The following GASK1B variants were observed in gnomAD, a reference collection of about 807,000 sequenced individuals.
GASK1B encodes the protein golgi associated kinase 1B.
A neutral mutation model predicts 42.8 loss-of-function variants in GASK1B; 34 were observed. The observed-to-expected ratio is 0.79, with a 90% CI of 0.60 to 1.06. The LOEUF (loss-of-function observed/expected upper bound fraction) is 1.06, where lower values mean the gene tolerates loss of function less well. GASK1B is among the 50% of genes least tolerant of loss of function. The pLI is 0.00. For missense variants in GASK1B, 686 were observed against 661.0 expected (o/e 1.04, Z -0.42); for synonymous variants, 262 against 259.1 (o/e 1.01, Z -0.11).
At position 158,170,294 on chromosome 4, in the gene GASK1B, A is replaced by C. The variant is rs758984039; in HGVS notation, c.910+172T>G. 3.7e-6 allele frequency: 6 copies of C among 1,614,134 alleles called. No homozygotes were observed. The highest frequency in any genetic ancestry group is 2.7e-5 in the African/African-American group (2 of 74,950). On this transcript the variant is annotated intron_variant, in intron 2 of 4. Coordinates refer to ENST00000585682, the MANE Select transcript of GASK1B (RefSeq NM_001128424.2). ...TTCCCTGGAACTCTCATATCCTCCC[A>C]GGCTGGGAAAATAAAGAATGCCAAG...
intron 4 of GASK1B, 64 bp downstream of exon 4, chr4:158,130,722 C>T: frequency 7.9e-7 from 1 of 1,258,318 alleles, no homozygotes; most frequent in Non-Finnish European, 1.1e-6. Context: ...TGTGAGTTTT[C>T]TCAGAACCTT....
At chr4:158,151,117 G>T (rs1002986340) in intron 3 of GASK1B, among the ~76,000 whole-genome samples, 1 of 152,174 alleles carries the variant, frequency 6.6e-6, no homozygotes, top group Admixed American at 6.5e-5. Context: ...TTTCTAAAAT[G>T]GGCGAAGGGA....
rs372012367 is a variant in GASK1B, at chr4:158,151,937, A to G, written c.1125+3674T>C. The stretch of plus-strand genomic sequence containing the variant: ...ACTGGGAGAGGCAGACCCACCCTCA[A>G]TCTGGGTGGGCACCGTCTAATTAGC... On this transcript the variant is annotated intron_variant, in intron 3 of 4. Coordinates refer to ENST00000585682, the MANE Select transcript of GASK1B (RefSeq NM_001128424.2). Among the ~76,000 whole-genome samples the G allele has an allele frequency of 8.1e-4, 124 of 152,324 alleles. No individual in the cohort carries two copies. The South Asian group carries it at 0.024, about 30-fold the overall frequency.
chr4:158,135,485 C>A (rs1730853604), intron 3 of GASK1B, among the ~76,000 whole-genome samples: 1 of 151,638 alleles, frequency 6.6e-6, no homozygotes, highest in Non-Finnish European at 1.5e-5. Flanking sequence ...TTCATTTAAT[C>A]CTCATAGTAA....
chr4:158,150,499 A>C (rs542599878), intron 3 of GASK1B, among the ~76,000 whole-genome samples: 1 of 152,286 alleles, frequency 6.6e-6, no homozygotes, highest in East Asian at 1.9e-4. Context: ...GATGCCACCT[A>C]CTATATCATA....
rs1482976661 is a variant in GASK1B at position 158,125,943 on chromosome 4, C to T, written c.*1464G>A. 1 of 151,392 alleles carries T rather than the reference C, an allele frequency of 6.6e-6. No individual in the cohort carries two copies. The highest frequency in any genetic ancestry group is 2.4e-5 in the African/African-American group (1 of 41,186). 9.4% of individuals were successfully genotyped at this position (151,392 alleles called of 1,614,324 possible). On this transcript the variant is annotated 3_prime_UTR_variant, in exon 5 of 5. Transcript: ENST00000585682. The stretch of plus-strand genomic sequence containing the variant: ...CTCTATTGTAACGTTGTTAGTAGTT[C>T]TCTTTCACACAGATATTGAGTTAAC...
rs995410695 is a variant in GASK1B, at chr4:158,168,255, A to G, written c.910+2211T>C. On this transcript the variant is annotated intron_variant, in intron 2 of 4. Transcript: ENST00000585682. The stretch of plus-strand genomic sequence containing the variant: ...CTACCATATGAAAGGAGAGAGAAAT[A>G]TCCAGGCTATATTGAGATCATAAAC... 2.0e-5 allele frequency: 3 copies of G among 152,318 alleles called. No individual in the cohort carries two copies. The South Asian group carries it at 6.2e-4, about 32-fold the overall frequency. The allele number at this position is 152,318 out of a possible 1,614,324, so 9.4% of individuals were successfully genotyped here. A position where few individuals can be genotyped will look rare whatever the true frequency, so the allele number is the denominator to read the frequency against.
At chr4:158,128,621 A>AGAAATT (rs1477134581) in intron 4 of GASK1B, among the ~76,000 whole-genome samples, 1 of 152,208 alleles carries the variant, frequency 6.6e-6, no homozygotes, top group Non-Finnish European at 1.5e-5. Flanking sequence ...ACACTTTGCC[A>AGAAATT]GAAATTTCAG....
chr4:158,165,841 A>T (rs1010362741), intron 2 of GASK1B, among the ~76,000 whole-genome samples: 35 of 152,254 alleles, frequency 2.3e-4, no homozygotes, highest in African/African-American at 7.5e-4. Context: ...GAGCCTCAGG[A>T]TTCCCCTATT....
intron 3 of GASK1B, among the ~76,000 whole-genome samples, chr4:158,138,421 A>C (rs1317276120): frequency 6.6e-6 from 1 of 152,206 alleles, no homozygotes. Context: ...TAGGCAATAA[A>C]TTTAACATGG....
intron 3 of GASK1B, among the ~76,000 whole-genome samples, chr4:158,152,191 T>TG (rs1731583453): frequency 6.6e-6 from 1 of 152,192 alleles, no homozygotes. Context: ...TTTTGAGATT[T>TG]GGGGACTTGG....
At chr4:158,161,767 TGACTCAGTCCTGG>T in intron 2 of GASK1B, among the ~76,000 whole-genome samples, 1 of 152,284 alleles carries the variant, frequency 6.6e-6, no homozygotes, top group East Asian at 1.9e-4. Context: ...CACATCAGGG[TGACTCAGTCCTGG>T]GCGATTTAGC....
intron 3 of GASK1B, among the ~76,000 whole-genome samples, chr4:158,144,035 ATT>A (rs1731239052): frequency 6.6e-6 from 1 of 152,160 alleles, no homozygotes; most frequent in Non-Finnish European, 1.5e-5. Context: ...ATTTGTTTAC[ATT>A]ATTTCCCTGC....
chr4:158,136,717 G>C (rs1730905591), intron 3 of GASK1B, among the ~76,000 whole-genome samples: 1 of 152,196 alleles, frequency 6.6e-6, no homozygotes, highest in South Asian at 2.1e-4. Context: ...GGTTTGGTAA[G>C]TCAGCATCTT....
At chr4:158,133,196 A>C (rs186223026) in intron 3 of GASK1B, among the ~76,000 whole-genome samples, 94 of 152,228 alleles carry the variant, frequency 6.2e-4, no homozygotes, top group Admixed American at 2.5e-3. Flanking sequence ...CTTCCCACTC[A>C]ATCACCCCTT....
intron 2 of GASK1B, chr4:158,167,115 T>G (rs1732257928): frequency 6.6e-6 from 1 of 152,146 alleles, no homozygotes; most frequent in South Asian, 2.1e-4. Flanking sequence ...AGATATAAAT[T>G]TATTTTTATA....
intron 3 of GASK1B, among the ~76,000 whole-genome samples, chr4:158,146,902 G>A (rs1560783639): frequency 6.6e-6 from 1 of 152,282 alleles, no homozygotes; most frequent in East Asian, 1.9e-4. Flanking sequence ...AAGAATAAAA[G>A]ATTATTTGTG....
rs770196911 is a variant in GASK1B, at chr4:158,171,026, TTGC to T, written c.347_349del (p.Ser116del). On this transcript the variant is annotated inframe_deletion, in exon 2 of 5. Transcript: ENST00000585682. Reference sequence around the variant, plus strand: ...CACGGTGCCACGGATATTGGCCGGCTTGCTGCGCTTGGAGCGTAGGGTAATGTA... The same window carrying T: ...CACGGTGCCACGGATATTGGCCGGCTTGCGCTTGGAGCGTAGGGTAATGTA... 6.2e-7 allele frequency: 1 copy of T among 1,614,000 alleles called. No individual in the cohort carries two copies. Among genetic ancestry groups the T allele is most frequent in the Non-Finnish European group, 8.5e-7 (1 of 1,179,878 alleles).
intron 3 of GASK1B, among the ~76,000 whole-genome samples, chr4:158,150,960 C>T (rs190637492): frequency 1.7e-3 from 266 of 152,258 alleles, no homozygotes; most frequent in African/African-American, 6.0e-3. Context: ...GGTTTTCTTC[C>T]TACATTTTTG....
Sources: gnomAD v4.1 joint callset for allele counts (sites outside exome capture counted in the v4.1 genomes callset) on GRCh38, gnomAD v4.1.1 for gene constraint, MANE v1.5 for transcripts, NCBI Gene and HGNC (gene_info 2026-07-23, HGNC 2026-07-21) for gene names.